The following UBE3D variants were observed in gnomAD, a reference collection of about 807,000 sequenced individuals.
The protein encoded by UBE3D is E3 ubiquitin-protein ligase E3D.
Under a neutral mutation model 49.6 loss-of-function variants are expected in UBE3D, and 48 were observed. The observed-to-expected ratio is 0.97, with a 90% CI of 0.77 to 1.23. The LOEUF (loss-of-function observed/expected upper bound fraction) is 1.23. Among genes scored for constraint, UBE3D ranks in the 50% most tolerant of loss-of-function variants. UBE3D has a pLI of 0.00. For synonymous variants in UBE3D, 189 were observed against 174.2 expected (o/e 1.08, Z -0.67); for missense variants, 452 against 468.4 (o/e 0.96, Z 0.32).
chr6:83,049,215 G>T (rs542757727), intron 3 of UBE3D, among the ~76,000 whole-genome samples: 1 of 152,236 alleles, frequency 6.6e-6, no homozygotes, highest in South Asian at 2.1e-4. Context: ...GCTTTAAAAT[G>T]ATCCATTAAT....
At position 83,000,667 on chromosome 6, in the gene UBE3D, T is replaced by C. The variant is rs1003154829; in HGVS notation, c.1010+18306A>G. On this transcript the variant is annotated intron_variant, in intron 8 of 9. Coordinates refer to ENST00000369747, the MANE Select transcript of UBE3D (RefSeq NM_198920.3). The stretch of plus-strand genomic sequence containing the variant: ...TAAAGACTAAATTCTTTCAAGTCCC[T>C]TTGGGTCCCTGAGTTGGTCTGTCTC... Among the ~76,000 whole-genome samples the C allele has an allele frequency of 2.0e-5, 3 of 152,150 alleles. No homozygotes were observed. In the East Asian group the frequency reaches 5.8e-4, roughly 29 times the overall value.
intron 5 of UBE3D, among the ~76,000 whole-genome samples, chr6:83,035,587 T>C (rs920929341): frequency 6.6e-6 from 1 of 150,962 alleles, no homozygotes; most frequent in African/African-American, 2.4e-5. Flanking sequence ...GCTATTCTAA[T>C]TCTTAATCTG....
chr6:82,902,219 G>C lies in UBE3D; in HGVS notation c.1150-9177C>G, dbSNP rs145564048. Among the ~76,000 whole-genome samples, 343 of 152,246 alleles carry C rather than the reference G, an allele frequency of 2.3e-3. 1 individual carries two copies. The highest frequency in any genetic ancestry group is 7.8e-3 in the African/African-American group (324 of 41,532). On this transcript the variant is annotated intron_variant, in intron 9 of 9. Transcript: ENST00000369747. ...GGACTATGAGAGTAGAGCCATTCGA[G>C]AAAACAGTTTGGCAGTTTATTTTTA... is the stretch of plus-strand genomic sequence containing the variant.
chr6:83,031,072 A>C (rs1457458929), intron 5 of UBE3D, among the ~76,000 whole-genome samples: 1 of 152,034 alleles, frequency 6.6e-6, no homozygotes, highest in Non-Finnish European at 1.5e-5. Flanking sequence ...CAGTGGTGCG[A>C]TATCAGCTCA....
At chr6:82,907,988 G>A (rs575727547) in intron 9 of UBE3D, among the ~76,000 whole-genome samples, 1 of 152,210 alleles carries the variant, frequency 6.6e-6, no homozygotes, top group South Asian at 2.1e-4. Context: ...TTTATTCAGT[G>A]AAATACTTCT....
chr6:83,044,469 C>T lies in UBE3D; in HGVS notation c.556G>A (p.Val186Met), dbSNP rs142879257. Residue 186 changes from valine (V) to methionine (M), a missense_variant, in exon 4 of 10, where the codon GTG (valine) becomes ATG (methionine). Coordinates refer to ENST00000369747, the MANE Select transcript of UBE3D (RefSeq NM_198920.3). The stretch of plus-strand genomic sequence containing the variant: ...TCAGAAGAAACACAGCACATCTCCA[C>T]TGGGGATAGTTCAGGTCTTTGCTGC... Reference protein sequence around the residue: ...LWQQRPELSPVEMCCVSSDNH... With the variant: ...LWQQRPELSPMEMCCVSSDNH... 9.3e-6 allele frequency: 15 copies of T among 1,614,036 alleles called. No homozygotes were observed. Among genetic ancestry groups the T allele is most frequent in the African/African-American group, 8.0e-5 (6 of 74,918 alleles).
At chr6:83,047,951 G>A (rs1459781679) in intron 3 of UBE3D, among the ~76,000 whole-genome samples, 2 of 151,650 alleles carry the variant, frequency 1.3e-5, no homozygotes, top group South Asian at 4.2e-4. Flanking sequence ...GAGTGCTGGC[G>A]GGCACCTGTA....
At chr6:82,935,604 C>T (rs992653862) in intron 9 of UBE3D, among the ~76,000 whole-genome samples, 2 of 152,132 alleles carry the variant, frequency 1.3e-5, no homozygotes, top group East Asian at 3.9e-4. Flanking sequence ...AAACTCCACA[C>T]TGAAGACATC....
At chr6:82,987,255 C>G (rs1045174062) in intron 8 of UBE3D, among the ~76,000 whole-genome samples, 5 of 152,134 alleles carry the variant, frequency 3.3e-5, no homozygotes, top group Non-Finnish European at 5.9e-5. Flanking sequence ...CTCAAGTAAT[C>G]CTTCCACCTC....
chr6:82,942,997 G>C lies in UBE3D; in HGVS notation c.1149+14315C>G, dbSNP rs559562134. ...ACCAGCCCATGAAAGCAGCCAGGAGGGGGGCTGTACCCTGCAAAGCCACAG... is the reference window on the plus strand; with the variant it reads ...ACCAGCCCATGAAAGCAGCCAGGAGCGGGGCTGTACCCTGCAAAGCCACAG... On this transcript the variant is annotated intron_variant, in intron 9 of 9. Transcript: ENST00000369747. Among the ~76,000 whole-genome samples, 19 of 152,300 alleles carry C rather than the reference G, an allele frequency of 1.2e-4. No individual in the cohort carries two copies. In the South Asian group the frequency reaches 3.9e-3, roughly 32 times the overall value.
At position 82,957,302 on chromosome 6, in the gene UBE3D, C is replaced by T. The variant is rs1466662368; in HGVS notation, c.1149+10G>A. The T allele has an allele frequency of 6.2e-7, 1 of 1,610,398 alleles. No homozygotes were observed. The highest frequency in any genetic ancestry group is 1.7e-4 in the Middle Eastern group (1 of 6,050). On this transcript the variant is annotated intron_variant, in intron 9 of 9. Transcript: ENST00000369747. Reference sequence around the variant, plus strand: ...AGAAATCACGGCCTAGAAAAGAAGCCATTGCTCACCTGAAAGGAATTCACA... The same window carrying T: ...AGAAATCACGGCCTAGAAAAGAAGCTATTGCTCACCTGAAAGGAATTCACA...
At chr6:82,978,045 T>A (rs1328572400) in intron 8 of UBE3D, among the ~76,000 whole-genome samples, 2 of 151,378 alleles carry the variant, frequency 1.3e-5, no homozygotes, top group Admixed American at 6.6e-5. Flanking sequence ...ACAACCTCTC[T>A]CTCATGCCCC....
intron 3 of UBE3D, among the ~76,000 whole-genome samples, 163 bp from the exon 4 acceptor site, chr6:83,044,822 T>C (rs1001851131): frequency 6.6e-5 from 10 of 152,220 alleles, no homozygotes; most frequent in Non-Finnish European, 1.2e-4. Flanking sequence ...CAGCTAATTT[T>C]GAAAATGCAA....
chr6:83,034,200 C>T (rs1250980092), intron 5 of UBE3D, among the ~76,000 whole-genome samples: 1 of 152,020 alleles, frequency 6.6e-6, no homozygotes, highest in Non-Finnish European at 1.5e-5. Context: ...ACTTTTAGAA[C>T]AGATGTGGAT....
At chr6:82,952,036 T>C (rs971237769) in intron 9 of UBE3D, among the ~76,000 whole-genome samples, 10 of 152,214 alleles carry the variant, frequency 6.6e-5, no homozygotes, top group African/African-American at 2.4e-4. Context: ...TGAGAAATAC[T>C]GTTTACTATG....
downstream of UBE3D, among the ~76,000 whole-genome samples, chr6:82,890,634 A>G (rs1031765225): frequency 9.9e-5 from 15 of 152,270 alleles, no homozygotes; most frequent in Middle Eastern, 3.4e-3. Flanking sequence ...GGTCATGGTC[A>G]TTCCACCTCC....
At chr6:83,053,210 C>T (rs1056031772) in intron 3 of UBE3D, among the ~76,000 whole-genome samples, 3 of 9,126 alleles carry the variant, frequency 3.3e-4, no homozygotes, top group African/African-American at 9.9e-4. Context: ...GCTTGGACTC[C>T]CCTGCCTCCA....
At chr6:82,904,604 G>C (rs1018951134) in intron 9 of UBE3D, among the ~76,000 whole-genome samples, 2 of 152,202 alleles carry the variant, frequency 1.3e-5, no homozygotes, top group Admixed American at 1.3e-4. Context: ...TTGATAAATG[G>C]AAGAGCTTAA....
intron 9 of UBE3D, among the ~76,000 whole-genome samples, chr6:82,896,748 CT>C (rs539610436): frequency 5.3e-4 from 77 of 145,820 alleles, no homozygotes; most frequent in Middle Eastern, 7.0e-3. Flanking sequence ...TTTGTCTTTT[CT>C]TTTTTTTTTT....
Sources: allele counts gnomAD v4.1 joint callset (sites outside exome capture counted in the v4.1 genomes callset), GRCh38; gene constraint gnomAD v4.1.1; transcripts MANE v1.5; gene names NCBI Gene and HGNC (gene_info 2026-07-23, HGNC 2026-07-21).